The following NARF variants were observed in gnomAD, a reference collection of about 807,000 sequenced individuals.
NARF encodes nuclear prelamin A recognition factor.
NARF carries 41 observed loss-of-function variants against 48.0 expected under a neutral mutation model. The observed-to-expected ratio is 0.85, with a 90% CI of 0.66 to 1.11. NARF has a LOEUF of 1.11. Among genes scored for constraint, NARF ranks in the 50% least tolerant of loss-of-function variants. The pLI is 0.00. For missense variants in NARF, 613 were observed against 590.2 expected, an observed-to-expected ratio of 1.04 and a Z score of -0.40; for synonymous variants, 215 against 225.5, an observed-to-expected ratio of 0.95 and a Z score of 0.42.
intron 5 of NARF, among the ~76,000 whole-genome samples, chr17:82,475,756 T>C (rs1358796579): frequency 6.6e-6 from 1 of 152,158 alleles, no homozygotes; most frequent in Non-Finnish European, 1.5e-5. Flanking sequence ...CCTAGCATTG[T>C]GTTCACTGCC....
chr17:82,460,996 C>G (rs1321740228), intron 2 of NARF: 1 of 152,314 alleles, frequency 6.6e-6, no homozygotes, highest in Admixed American at 6.5e-5. Context: ...CTCACCGCAG[C>G]CTTGACCTCT....
chr17:82,480,543 C>G, intron 6 of NARF: 1 of 404,928 alleles, frequency 2.5e-6, no homozygotes, highest in East Asian at 3.6e-5. Context: ...TGCTGGTGCT[C>G]GGTAGAGTTG....
At chr17:82,483,147 C>T (rs1020829058) in intron 7 of NARF, 5 of 210,892 alleles carry the variant, frequency 2.4e-5, no homozygotes, top group South Asian at 9.8e-5. Context: ...GTGAAACCCC[C>T]GTCTCTACTA....
rs751782551 is a variant in NARF, at chr17:82,489,645, CTG to C, written c.*1491_*1492del. 3 of 152,318 alleles carry C rather than the reference CTG, an allele frequency of 2.0e-5. No individual in the cohort carries two copies. Among genetic ancestry groups the C allele is most frequent in the Non-Finnish European group, 4.4e-5 (3 of 68,120 alleles). The allele number at this position is 152,318 out of a possible 1,614,324, so 9.4% of individuals were successfully genotyped here. Reference sequence around the variant, plus strand: ...GCCCATCCACTCGCCATGAAGCCCTCTGTGCTCAGGGTGATGGAGCCCCCTCC... The same window carrying C: ...GCCCATCCACTCGCCATGAAGCCCTCTGCTCAGGGTGATGGAGCCCCCTCC... On this transcript the variant is annotated 3_prime_UTR_variant, in exon 11 of 11. Transcript: ENST00000309794.
chr17:82,475,789 C>A (rs1186927815), intron 5 of NARF, among the ~76,000 whole-genome samples: 7 of 152,158 alleles, frequency 4.6e-5, no homozygotes, highest in Non-Finnish European at 8.8e-5. Context: ...ATCACCGTTT[C>A]TATACAAATC....
chr17:82,473,295 A>ATT (rs71168112), intron 5 of NARF, among the ~76,000 whole-genome samples: 4,001 of 120,608 alleles, frequency 0.033, 200 homozygotes, highest in African/African-American at 0.11. Context: ...ACATGTCTCT[A>ATT]TTTTTTTTTT....
intron 4 of NARF, among the ~76,000 whole-genome samples, chr17:82,472,155 C>T (rs1412504262): frequency 2.0e-5 from 3 of 151,994 alleles, no homozygotes; most frequent in Non-Finnish European, 4.4e-5. Context: ...TTAAGTTTGT[C>T]TCTTAAACGT....
chr17:82,474,374 C>T (rs937217855), intron 5 of NARF, among the ~76,000 whole-genome samples: 1 of 152,004 alleles, frequency 6.6e-6, no homozygotes, highest in Non-Finnish European at 1.5e-5. Flanking sequence ...TTTTGGATGC[C>T]TGAGTTATAG....
chr17:82,462,227 T>A (rs2043455920), intron 2 of NARF, among the ~76,000 whole-genome samples: 1 of 152,086 alleles, frequency 6.6e-6, no homozygotes, highest in Non-Finnish European at 1.5e-5. Flanking sequence ...GAGTGGACCC[T>A]GAAGAGTGGT....
At position 82,470,423 on chromosome 17, in the gene NARF, T is replaced by C. The variant is rs187500703; in HGVS notation, c.385+1527T>C. On this transcript the variant is annotated intron_variant, in intron 4 of 10. Transcript: ENST00000309794. ...AGATTCTTAAAATGATGTAACGGAA[T>C]GTTATATATCAATAAAATGTATCCA... Among the ~76,000 whole-genome samples, 5 of 152,354 alleles carry C rather than the reference T, an allele frequency of 3.3e-5. No individual in the cohort carries two copies. The East Asian group carries it at 7.7e-4, about 23-fold the overall frequency.
intron 2 of NARF, among the ~76,000 whole-genome samples, chr17:82,461,318 A>G (rs1002230227): frequency 1.3e-5 from 2 of 150,376 alleles, no homozygotes; most frequent in Non-Finnish European, 3.0e-5. Context: ...GCTCTCAAGA[A>G]TGTGATTTTA....
intron 2 of NARF, 35 bp from the exon 3 acceptor site, chr17:82,464,252 G>A (rs1340298211): frequency 6.2e-7 from 1 of 1,604,980 alleles, no homozygotes; most frequent in African/African-American, 1.3e-5. Context: ...AAGAGTATTT[G>A]TTGAATAATC....
At chr17:82,486,774 C>T (rs888933814) in intron 10 of NARF, among the ~76,000 whole-genome samples, 3 of 152,190 alleles carry the variant, frequency 2.0e-5, no homozygotes, top group Admixed American at 6.5e-5. Flanking sequence ...GCTGGGGTGC[C>T]ACCCTGGAAC....
At chr17:82,486,751 A>G (rs1158014601) in intron 10 of NARF, among the ~76,000 whole-genome samples, 1 of 152,158 alleles carries the variant, frequency 6.6e-6, no homozygotes, top group Non-Finnish European at 1.5e-5. Flanking sequence ...GGGAAAGTGG[A>G]GGTTGGAGAC....
intron 6 of NARF, chr17:82,480,343 T>TGGACCAGCAACAGCTCCACGCC: frequency 2.5e-6 from 1 of 401,604 alleles, no homozygotes. Context: ...GGCTCCATGC[T>TGGACCAGCAACAGCTCCACGCC]GGACCAGCAA....
chr17:82,464,165 C>T, intron 2 of NARF, 122 bp from the exon 3 acceptor site: 1 of 1,307,852 alleles, frequency 7.6e-7, no homozygotes, highest in Non-Finnish European at 1.1e-6. Context: ...GAGCACCAGG[C>T]CTGGACCCTG....
At chr17:82,464,036 G>T in intron 2 of NARF, 1 of 451,880 alleles carries the variant, frequency 2.2e-6, no homozygotes, top group Admixed American at 3.9e-5. Context: ...CTAGGGCTGG[G>T]TTCCACCCTT....
chr17:82,458,720 C>G, upstream of NARF: 1 of 1,424,620 alleles, frequency 7.0e-7, no homozygotes, highest in Non-Finnish European at 9.1e-7. Flanking sequence ...CAACAAAGGG[C>G]CGCGGGCGGC....
In NARF at chr17:82,489,460, G is replaced by A; in HGVS notation, c.*1303G>A. On this transcript the variant is annotated 3_prime_UTR_variant, in exon 11 of 11. Coordinates refer to ENST00000309794, the MANE Select transcript of NARF (RefSeq NM_012336.4). ...GGCTGCCCGCACCAGCTGGGTGGGT[G>A]CAGGGGGCCCCAGCTCATCATCAGC... 1 of 152,612 alleles carries A rather than the reference G, an allele frequency of 6.6e-6. No individual in the cohort carries two copies. The highest frequency in any genetic ancestry group is 1.5e-5 in the Non-Finnish European group (1 of 68,220). The allele number at this position is 152,612 out of a possible 1,614,324, so 9.5% of individuals were successfully genotyped here. A position where few individuals can be genotyped will look rare whatever the true frequency, so the allele number is the denominator to read the frequency against.
Sources: allele counts gnomAD v4.1 joint callset (sites outside exome capture counted in the v4.1 genomes callset), GRCh38; gene constraint gnomAD v4.1.1; transcripts MANE v1.5; gene names NCBI Gene and HGNC (gene_info 2026-07-23, HGNC 2026-07-21).